FYCO1: variants seen among roughly 807,000 people sequenced by gnomAD.
FYCO1 encodes the protein FYVE and coiled-coil domain-containing protein 1.
A neutral mutation model predicts 165.1 loss-of-function variants in FYCO1; 122 were observed. The ratio of observed to expected loss-of-function variants is 0.74; its 90% CI spans 0.64 to 0.86. The LOEUF is 0.86. FYCO1 is among the 40% of genes least tolerant of loss of function. FYCO1 has a pLI of 0.00. For missense variants in FYCO1, 1,702 were observed against 1,810.3 expected (o/e 0.94, Z 1.09); for synonymous variants, 648 against 742.5 (o/e 0.87, Z 2.07).
rs1302686857 is a variant in FYCO1, at chr3:45,955,313, A to G, written c.3880T>C (p.Ser1294Pro). The change falls in exon 14 of 18, where the codon TCC becomes CCC. Residue 1294 changes from serine to proline, a missense_variant. By Grantham distance (74) the Ser-to-Pro change is moderately conservative. Transcript: ENST00000296137. ...GGTGTTTCAGGCAAAGAGGAGCCGG[A>G]CTCCTGTATCTGGCACAATTCCTCA... ...TDEELCQIQE[S>P]GSSLPETPTE... 6.2e-7 allele frequency: 1 copy of G among 1,613,872 alleles called. No individual in the cohort carries two copies.
At chr3:45,936,405 A>G in intron 15 of FYCO1, 43 bp downstream of exon 15, 2 of 1,395,308 alleles carry the variant, frequency 1.4e-6, no homozygotes, top group Non-Finnish European at 2.0e-6. Context: ...TGCTCCTCCC[A>G]ATGCCACACC....
At chr3:45,965,636 G>C (rs771741134) in intron 8 of FYCO1, among the ~76,000 whole-genome samples, 1 of 152,260 alleles carries the variant, frequency 6.6e-6, no homozygotes, top group Non-Finnish European at 1.5e-5. Context: ...CAAGGGCCTT[G>C]TAAAAATGAA....
chr3:45,953,732 A>T (rs1352613392), intron 14 of FYCO1, among the ~76,000 whole-genome samples: 3 of 152,218 alleles, frequency 2.0e-5, no homozygotes, highest in Non-Finnish European at 4.4e-5. Context: ...AAAGCAGCAT[A>T]AAATACCAGT....
chr3:45,946,963 TGGTTTCCTTG>T, intron 14 of FYCO1: 1 of 1,614,260 alleles, frequency 6.2e-7, no homozygotes, highest in Non-Finnish European at 8.5e-7. Context: ...ATATCCCTGC[TGGTTTCCTTG>T]CCCCAAATTA....
rs1559466078 is a variant in FYCO1 at position 45,979,558 on chromosome 3, G to C, written c.288+147C>G. On this transcript the variant is annotated intron_variant, in intron 4 of 17. Transcript: ENST00000296137. Reference sequence around the variant, plus strand: ...CCCAACCTTGAGCCACTGCAACAATGGGCATTGCGTATACCTGGACTAGAT... The same window carrying C: ...CCCAACCTTGAGCCACTGCAACAATCGGCATTGCGTATACCTGGACTAGAT... 4.4e-6 allele frequency: 4 copies of C among 910,424 alleles called. No homozygotes were observed. The Admixed American group carries it at 7.0e-5, about 16-fold the overall frequency. 56.4% of individuals were successfully genotyped at this position (910,424 alleles called of 1,614,324 possible). A position where few individuals can be genotyped will look rare whatever the true frequency, so the allele number is the denominator to read the frequency against.
Position 45,962,180 on chromosome 3 carries a change from C to G in FYCO1, c.3437+45G>C, listed in dbSNP as rs1361138319. 1 of 1,603,694 alleles carries G rather than the reference C, an allele frequency of 6.2e-7. No homozygotes were observed. The highest frequency in any genetic ancestry group is 1.7e-5 in the Admixed American group (1 of 60,004). On this transcript the variant is annotated intron_variant, in intron 11 of 17. Coordinates refer to ENST00000296137, the MANE Select transcript of FYCO1 (RefSeq NM_024513.4). The surrounding 1 kb of genome is among the most constrained non-coding windows in gnomAD (Gnocchi z 4.4). ...AGCTGCATTTCTTTAGAGAAAAACC[C>G]CAGTGTGGGGAAAACCCCAGCTGCT...
intron 4 of FYCO1, among the ~76,000 whole-genome samples, chr3:45,977,107 T>G (rs1262380302): frequency 6.6e-6 from 1 of 152,022 alleles, no homozygotes; most frequent in Non-Finnish European, 1.5e-5. Context: ...ACCAGGAAAT[T>G]CAGGCCGTTG....
Position 45,921,713 on chromosome 3 carries a change from G to A in FYCO1, c.*52C>T. Reference sequence around the variant, plus strand: ...TAAAAAAATGCTTTATGTGACAGGTGAGGAAGAGCAGTGTTTCCTGTGGAT... The same window carrying A: ...TAAAAAAATGCTTTATGTGACAGGTAAGGAAGAGCAGTGTTTCCTGTGGAT... On this transcript the variant is annotated 3_prime_UTR_variant, in exon 18 of 18. Coordinates refer to ENST00000296137, the MANE Select transcript of FYCO1 (RefSeq NM_024513.4). 14 of 1,183,214 alleles carry A rather than the reference G, an allele frequency of 1.2e-5. 1 individual carries two copies. Among genetic ancestry groups the A allele is most frequent in the Non-Finnish European group, 1.8e-5 (14 of 786,206 alleles). 73.3% of individuals were successfully genotyped at this position (1,183,214 alleles called of 1,614,324 possible).
intron 11 of FYCO1, among the ~76,000 whole-genome samples, chr3:45,959,753 G>A (rs183550388): frequency 9.2e-5 from 14 of 152,172 alleles, no homozygotes; most frequent in Admixed American, 3.3e-4. Flanking sequence ...GAGAACATGC[G>A]GGAGGCAAAA....
chr3:45,928,761 G>T (rs1443464773), intron 16 of FYCO1, among the ~76,000 whole-genome samples: 1 of 152,056 alleles, frequency 6.6e-6, no homozygotes, highest in Non-Finnish European at 1.5e-5. Flanking sequence ...CCTTCCCAGG[G>T]GTACCCACAG....
chr3:45,953,449 T>TTTTCTTATG (rs1193197221), intron 14 of FYCO1, among the ~76,000 whole-genome samples: 1 of 152,312 alleles, frequency 6.6e-6, no homozygotes, highest in East Asian at 1.9e-4. Context: ...AAGGACCTCC[T>TTTTCTTATG]TTTCTTATGG....
intron 1 of FYCO1, among the ~76,000 whole-genome samples, chr3:45,988,905 C>CTATA (rs1707441999): frequency 6.6e-6 from 1 of 152,172 alleles, no homozygotes; most frequent in East Asian, 1.9e-4. Context: ...TGCCCAGATG[C>CTATA]CCTAAATGCC....
At position 45,946,566 on chromosome 3, in the gene FYCO1, T is replaced by A. The variant is rs763157855; in HGVS notation, c.3944+8683A>T. The stretch of plus-strand genomic sequence containing the variant: ...GGAGGAGCATCAAGACTTCCTGCAG[T>A]TCAGCAAGGTCTTTCTGCCCTGCAT... On this transcript the variant is annotated intron_variant, in intron 14 of 17. Coordinates refer to ENST00000296137, the MANE Select transcript of FYCO1 (RefSeq NM_024513.4). 8 of 1,614,196 alleles carry A rather than the reference T, an allele frequency of 5.0e-6. No individual in the cohort carries two copies. Among genetic ancestry groups the A allele is most frequent in the Non-Finnish European group, 6.8e-6 (8 of 1,180,014 alleles).
At chr3:45,938,134 T>C in intron 14 of FYCO1, 1 of 999,834 alleles carries the variant, frequency 1.0e-6, no homozygotes, top group Non-Finnish European at 1.4e-6. Context: ...AATCTATAAT[T>C]TCCTCTCTTC....
intron 1 of FYCO1, among the ~76,000 whole-genome samples, chr3:45,988,508 GC>G (rs1707414160): frequency 6.6e-6 from 1 of 152,174 alleles, no homozygotes; most frequent in Non-Finnish European, 1.5e-5. Context: ...TACCACGGCT[GC>G]CCCAGCACCA....
At chr3:45,990,064 T>G (rs1707494351) in intron 1 of FYCO1, among the ~76,000 whole-genome samples, 1 of 152,192 alleles carries the variant, frequency 6.6e-6, no homozygotes, top group South Asian at 2.1e-4. Flanking sequence ...GGGGAAAAAC[T>G]ACAGATCTCC....
At chr3:45,938,767 C>A (rs1429369229) in intron 14 of FYCO1, among the ~76,000 whole-genome samples, 1 of 152,258 alleles carries the variant, frequency 6.6e-6, no homozygotes, top group African/African-American at 2.4e-5. Context: ...GCTGGGATTA[C>A]AGGCGTGAGC....
intron 14 of FYCO1, among the ~76,000 whole-genome samples, chr3:45,944,846 C>T (rs1704481991): frequency 6.6e-6 from 1 of 152,168 alleles, no homozygotes; most frequent in African/African-American, 2.4e-5. Context: ...GCAAAGCCAC[C>T]TGTTTCATAT....
At chr3:45,955,761 A>T (rs1004251862) in intron 13 of FYCO1, among the ~76,000 whole-genome samples, 3 of 152,240 alleles carry the variant, frequency 2.0e-5, no homozygotes, top group African/African-American at 7.2e-5. Context: ...ATGCCACTAA[A>T]TCCTTGCTCT....
Sources: gnomAD v4.1 joint callset for allele counts (sites outside exome capture counted in the v4.1 genomes callset) on GRCh38, gnomAD v4.1.1 for gene constraint, Gnocchi (gnomAD v3.1) non-coding constraint, MANE v1.5 for transcripts, NCBI Gene and HGNC (gene_info 2026-07-23, HGNC 2026-07-21) for gene names.